Variants in CD36 observed in about 807,000 individuals in gnomAD.
The protein encoded by CD36 is platelet glycoprotein 4.
In CD36, 119 loss-of-function variants were observed where a neutral mutation model predicts 55.2. That is an observed-to-expected ratio of 2.15 (90% CI 1.86 to 2.51). The LOEUF is 2.51. CD36 is among the 30% of genes most tolerant of loss of function. CD36 has a pLI of 0.00. For synonymous variants in CD36, 186 were observed against 193.6 expected, an observed-to-expected ratio of 0.96 and a Z score of 0.33; for missense variants, 819 against 555.5, an observed-to-expected ratio of 1.47 and a Z score of -4.77.
At chr7:80,606,389 T>C (rs891078257) in intron 1 of CD36, among the ~76,000 whole-genome samples, 7 of 152,180 alleles carry the variant, frequency 4.6e-5, no homozygotes, top group Non-Finnish European at 7.3e-5. Context: ...GGACAGATCC[T>C]CTACTCACAA....
chr7:80,654,791 C>T (rs950195808), intron 3 of CD36, among the ~76,000 whole-genome samples: 6 of 151,236 alleles, frequency 4.0e-5, no homozygotes, highest in South Asian at 2.1e-4. Context: ...CTAAGGAATT[C>T]GCTTATTCCC....
At chr7:80,666,420 TC>T in intron 7 of CD36, 22 bp from the exon 8 acceptor site, 1 of 1,509,664 alleles carries the variant, frequency 6.6e-7, no homozygotes, top group Non-Finnish European at 9.2e-7. Flanking sequence ...GAATGTTTAT[TC>T]ATTGTCTTTT....
chr7:80,659,778 T>C (rs1796381161), intron 4 of CD36, among the ~76,000 whole-genome samples: 1 of 152,198 alleles, frequency 6.6e-6, no homozygotes, highest in Non-Finnish European at 1.5e-5. Context: ...ATATTAGTAA[T>C]ATGCACACTA....
At chr7:80,651,779 A>G (rs1795642284) in intron 3 of CD36, among the ~76,000 whole-genome samples, 1 of 152,010 alleles carries the variant, frequency 6.6e-6, no homozygotes, top group Non-Finnish European at 1.5e-5. Context: ...ATATGGTTAC[A>G]CATGCCTGTA....
intron 1 of CD36, among the ~76,000 whole-genome samples, chr7:80,628,488 AGAGTG>A (rs1359478791): frequency 6.6e-6 from 1 of 152,132 alleles, no homozygotes; most frequent in African/African-American, 2.4e-5. Context: ...TTTGTTACAT[AGAGTG>A]TAGAAAACCA....
At chr7:80,617,726 C>A (rs62461691) in intron 1 of CD36, among the ~76,000 whole-genome samples, 1 of 43,950 alleles carries the variant, frequency 2.3e-5, no homozygotes, top group East Asian at 3.8e-4. Flanking sequence ...GACTGTGTCT[C>A]CAAAAAAAAA....
chr7:80,675,156 A>G (rs1180329030), intron 14 of CD36, among the ~76,000 whole-genome samples: 1 of 152,160 alleles, frequency 6.6e-6, no homozygotes, highest in Non-Finnish European at 1.5e-5. Flanking sequence ...CCAAAAAGAC[A>G]ATAATTCTGC....
intron 4 of CD36, among the ~76,000 whole-genome samples, chr7:80,659,366 T>G (rs112132545): frequency 1.3e-5 from 2 of 152,292 alleles, no homozygotes; most frequent in African/African-American, 4.8e-5. Context: ...ACGAAATTGC[T>G]TGGGTTGAGA....
At chr7:80,645,175 C>T (rs887725963) in intron 1 of CD36, among the ~76,000 whole-genome samples, 11 of 151,796 alleles carry the variant, frequency 7.2e-5, no homozygotes, top group African/African-American at 2.7e-4. Context: ...CATGTGCCAC[C>T]AAGCCCGGCT....
rs551689538 is a variant in CD36, at chr7:80,675,777, C to A, written c.*1-607C>A. 2.2e-3 allele frequency among the ~76,000 whole-genome samples: 332 copies of A among 152,206 alleles called. 1 individual carries two copies. Among genetic ancestry groups the A allele is most frequent in the African/African-American group, 7.5e-3 (313 of 41,536 alleles). On this transcript the variant is annotated intron_variant, in intron 14 of 14. Coordinates refer to ENST00000447544, the MANE Select transcript of CD36 (RefSeq NM_001001548.3). ...AAGAAGACAGGTATGTAAGAAGTAG[C>A]AAAGTGTAAGACGGTGGAGCTTTAA...
rs370851742 is a variant in CD36 at position 80,629,575 on chromosome 7, A to G, written c.-183-16513A>G. On this transcript the variant is annotated intron_variant, in intron 1 of 13. Transcript: ENST00000309881. ...TCTCTGGAAACTAACCAGCCAAGCA[A>G]GACTTTCTGGAAAACAAGGTACTCC... Among the ~76,000 whole-genome samples, 5 of 152,168 alleles carry G rather than the reference A, an allele frequency of 3.3e-5. No homozygotes were observed. In the South Asian group the frequency reaches 1.0e-3, roughly 31 times the overall value.
chr7:80,630,702 C>T (rs781026203), intron 1 of CD36, among the ~76,000 whole-genome samples: 10 of 151,794 alleles, frequency 6.6e-5, no homozygotes, highest in East Asian at 1.9e-4. Context: ...CCAATTTTCC[C>T]GGAGGGGTTG....
chr7:80,645,890 AAAGT>A (rs1359810931), intron 1 of CD36, among the ~76,000 whole-genome samples, 194 bp from the exon 2 acceptor site: 1 of 152,170 alleles, frequency 6.6e-6, no homozygotes. Flanking sequence ...AATAAAACTG[AAAGT>A]AAGATACTCT....
intron 3 of CD36, among the ~76,000 whole-genome samples, chr7:80,655,426 C>T (rs934768514): frequency 3.3e-5 from 5 of 152,176 alleles, no homozygotes; most frequent in Admixed American, 3.3e-4. Flanking sequence ...AGTCCCAAAG[C>T]TCCTAAAGCA....
At chr7:80,666,177 T>A in intron 7 of CD36, 1 of 430,072 alleles carries the variant, frequency 2.3e-6, no homozygotes, top group East Asian at 4.4e-5. Context: ...TAAATGTTTT[T>A]AATTTTTTTC....
intron 1 of CD36, among the ~76,000 whole-genome samples, chr7:80,645,667 C>T (rs1264042752): frequency 6.6e-6 from 1 of 151,962 alleles, no homozygotes; most frequent in Admixed American, 6.6e-5. Context: ...TATGAAGACA[C>T]CAAACATTAG....
intron 8 of CD36, among the ~76,000 whole-genome samples, chr7:80,667,941 G>A (rs1797282824): frequency 1.3e-5 from 2 of 151,714 alleles, no homozygotes; most frequent in Non-Finnish European, 2.9e-5. Context: ...AGTAGAGACG[G>A]TTTCACCATG....
chr7:80,617,841 C>T lies in CD36; in HGVS notation c.-184+15462C>T, dbSNP rs550822027. Among the ~76,000 whole-genome samples the T allele has an allele frequency of 3.3e-5, 5 of 152,074 alleles. No individual in the cohort carries two copies. In the East Asian group the frequency reaches 9.7e-4, roughly 29 times the overall value. On this transcript the variant is annotated intron_variant, in intron 1 of 13. Coordinates refer to the CD36 transcript ENST00000309881. ...GATATTCTTTTCAATTACATCTGTG[C>T]TGCGGTCTTCTAGGGGTTTGTCATT...
At chr7:80,644,011 A>G (rs1165649992) in intron 1 of CD36, among the ~76,000 whole-genome samples, 1 of 152,220 alleles carries the variant, frequency 6.6e-6, no homozygotes, top group Non-Finnish European at 1.5e-5. Flanking sequence ...CATACAGAAC[A>G]CCAGCATGAC....
Sources: gnomAD v4.1 joint callset for allele counts (sites outside exome capture counted in the v4.1 genomes callset) on GRCh38, gnomAD v4.1.1 for gene constraint, MANE v1.5 for transcripts, NCBI Gene and HGNC (gene_info 2026-07-23, HGNC 2026-07-21) for gene names.